The following IL10RB variants were observed in gnomAD, a reference collection of about 807,000 sequenced individuals.
IL10RB encodes the protein interleukin-10 receptor subunit beta.
A neutral mutation model predicts 38.7 loss-of-function variants in IL10RB; 30 were observed. That is an observed-to-expected ratio of 0.78 (90% CI 0.58 to 1.05). The LOEUF (loss-of-function observed/expected upper bound fraction) is 1.05, where lower values mean the gene tolerates loss of function less well. Ranked by LOEUF, IL10RB falls within the 50% of genes least tolerant of loss-of-function variation. The probability of loss-of-function intolerance (pLI) is 0.00; values close to 1 mark genes in which losing one functional copy is unlikely to be tolerated. For missense variants in IL10RB, 328 were observed against 397.1 expected (o/e 0.83, Z 1.48); for synonymous variants, 142 against 145.9 (o/e 0.97, Z 0.19).
Position 33,296,988 on chromosome 21 carries a change from A to T in IL10RB, c.*631A>T. On this transcript the variant is annotated 3_prime_UTR_variant, in exon 7 of 7. Coordinates refer to ENST00000290200, the MANE Select transcript of IL10RB (RefSeq NM_000628.5). ...AAAAAAAAAAATTGTGAGAAACAGA[A>T]ATACTTAAAATGAGGAATAAGAATG... The T allele has an allele frequency of 1.7e-5, 3 of 178,900 alleles. No individual in the cohort carries two copies. The highest frequency in any genetic ancestry group is 3.6e-5 in the Non-Finnish European group (3 of 83,910). 11.1% of individuals were successfully genotyped at this position (178,900 alleles called of 1,614,324 possible).
At chr21:33,287,762 C>T (rs1989401626) in intron 5 of IL10RB, among the ~76,000 whole-genome samples, 1 of 152,130 alleles carries the variant, frequency 6.6e-6, no homozygotes, top group African/African-American at 2.4e-5. Context: ...GCTCAGGTGT[C>T]CAGGGGAGTA....
Position 33,283,303 on chromosome 21 carries a change from AC to A in IL10RB, c.646+63del, listed in dbSNP as rs758892737. Reference sequence around the variant, plus strand: ...ACAGCTTTATAGACACCTGCCCTAGACATGATTGCATCCAACTCAAATTCCA... The same window carrying A: ...ACAGCTTTATAGACACCTGCCCTAGAATGATTGCATCCAACTCAAATTCCA... On this transcript the variant is annotated intron_variant, in intron 5 of 6. Transcript: ENST00000290200. 1,873 of 1,500,526 alleles carry A rather than the reference AC, an allele frequency of 1.2e-3. 2 individuals are homozygous for A. The highest frequency in any genetic ancestry group is 1.4e-3 in the Non-Finnish European group (1,476 of 1,078,736). The allele number at this position is 1,500,526 out of a possible 1,614,324, so 93.0% of individuals were successfully genotyped here. A position where few individuals can be genotyped will look rare whatever the true frequency, so the allele number is the denominator to read the frequency against.
At chr21:33,285,975 T>G (rs978710140) in intron 5 of IL10RB, among the ~76,000 whole-genome samples, 1 of 152,014 alleles carries the variant, frequency 6.6e-6, no homozygotes, top group Admixed American at 6.6e-5. Flanking sequence ...TGGGCTCCGG[T>G]GCATGAAACA....
chr21:33,276,406 AC>A (rs1173435466), intron 2 of IL10RB, among the ~76,000 whole-genome samples, 189 bp from the exon 3 acceptor site: 1 of 152,140 alleles, frequency 6.6e-6, no homozygotes, highest in Non-Finnish European at 1.5e-5. Flanking sequence ...TGAATACTCA[AC>A]CCCTTGGAGA....
chr21:33,304,639 G>A (rs1193068086), intron 1 of IL10RB, among the ~76,000 whole-genome samples: 4 of 152,160 alleles, frequency 2.6e-5, no homozygotes, highest in Admixed American at 6.5e-5. Flanking sequence ...ACTCTCCTGG[G>A]GATTTTGTGA....
At chr21:33,300,478 GATAC>G (rs2082983161), downstream of IL10RB, among the ~76,000 whole-genome samples, 1 of 150,732 alleles carries the variant, frequency 6.6e-6, no homozygotes, top group African/African-American at 2.4e-5. Flanking sequence ...GCCTTCTTGG[GATAC>G]ATGACAATTA....
At position 33,276,733 on chromosome 21, in the gene IL10RB, C is replaced by T. The variant is rs1989178743; in HGVS notation, c.311C>T (p.Thr104Ile). The T allele has an allele frequency of 2.5e-6, 4 of 1,613,860 alleles. No individual in the cohort carries two copies. Among genetic ancestry groups the T allele is most frequent in the Admixed American group, 1.7e-5 (1 of 59,992 alleles). Residue 104 changes from threonine (T) to isoleucine (I), a missense_variant, in exon 3 of 7, where the codon ACC (threonine) becomes ATC (isoleucine). By Grantham distance (89) the Thr-to-Ile change is moderately conservative. Transcript: ENST00000290200. ...ADEHSDWVNI[T>I]FCPVDDTIIG... ...GAGCATTCAGACTGGGTAAACATCA[C>T]CTTCTGTCCTGTGGATGACAGTAAG... is the stretch of plus-strand genomic sequence containing the variant.
At chr21:33,289,754 G>C (rs1989447981) in intron 6 of IL10RB, among the ~76,000 whole-genome samples, 1 of 152,094 alleles carries the variant, frequency 6.6e-6, no homozygotes, top group Non-Finnish European at 1.5e-5. Flanking sequence ...TGGTAGAAAT[G>C]CTCCCACTCT....
chr21:33,307,160 G>C (rs929050234), intron 1 of IL10RB, among the ~76,000 whole-genome samples: 2 of 152,094 alleles, frequency 1.3e-5, no homozygotes, highest in Non-Finnish European at 2.9e-5. Flanking sequence ...GGAGACAAAC[G>C]TGACTGCATC....
intron 6 of IL10RB, 127 bp downstream of exon 6, chr21:33,288,388 CA>C: frequency 2.8e-6 from 2 of 703,432 alleles, no homozygotes; most frequent in Non-Finnish European, 5.1e-6. Flanking sequence ...CGCGCACACA[CA>C]CACACACACA....
chr21:33,284,242 GC>G (rs1308001630), intron 5 of IL10RB, among the ~76,000 whole-genome samples: 29 of 149,346 alleles, frequency 1.9e-4, no homozygotes, highest in African/African-American at 6.7e-4. Flanking sequence ...GCTGCAGTGA[GC>G]TGAGGTCATG....
Position 33,275,146 on chromosome 21 carries a change from ACTTTT to A in IL10RB, c.174-1444_174-1440del, listed in dbSNP as rs1207948578. Reference sequence around the variant, plus strand: ...ATGAACCAACCTCTGCTAACTTCCAACTTTTCTTTTTTTTTTTTTTTTTTTTTGAG... The same window carrying A: ...ATGAACCAACCTCTGCTAACTTCCAACTTTTTTTTTTTTTTTTTTTTTGAG... On this transcript the variant is annotated intron_variant, in intron 2 of 6. Coordinates refer to ENST00000290200, the MANE Select transcript of IL10RB (RefSeq NM_000628.5). Among the ~76,000 whole-genome samples, 4 of 138,928 alleles carry A rather than the reference ACTTTT, an allele frequency of 2.9e-5. No homozygotes were observed. The South Asian group carries it at 6.7e-4, about 23-fold the overall frequency. 91.1% of individuals were successfully genotyped at this position (138,928 alleles called of 152,430 possible). A position where few individuals can be genotyped will look rare whatever the true frequency, so the allele number is the denominator to read the frequency against.
chr21:33,269,787 T>G (rs775622337), intron 2 of IL10RB, among the ~76,000 whole-genome samples: 9 of 151,614 alleles, frequency 5.9e-5, no homozygotes, highest in African/African-American at 1.9e-4. Flanking sequence ...GCCTCCCGAG[T>G]AGATGGGAGT....
At chr21:33,288,404 CAG>C (rs35508721) in intron 6 of IL10RB, 143 bp downstream of exon 6, 211,744 of 650,352 alleles carry the variant, frequency 0.33, 15,222 homozygotes, top group Non-Finnish European at 0.36. Flanking sequence ...CACACACACA[CAG>C]ACACGCCTCT....
At chr21:33,293,984 C>G (rs781771983) in intron 6 of IL10RB, 2 of 471,112 alleles carry the variant, frequency 4.2e-6, no homozygotes, top group Non-Finnish European at 8.8e-6. Context: ...TATTCACCTG[C>G]TATTTTTGCT....
At position 33,296,889 on chromosome 21, in the gene IL10RB, G is replaced by A; in HGVS notation, c.*532G>A. 4 of 210,086 alleles carry A rather than the reference G, an allele frequency of 1.9e-5. No individual in the cohort carries two copies. Among genetic ancestry groups the A allele is most frequent in the East Asian group, 1.3e-4 (1 of 7,912 alleles). 13.0% of individuals were successfully genotyped at this position (210,086 alleles called of 1,614,324 possible). A position where few individuals can be genotyped will look rare whatever the true frequency, so the allele number is the denominator to read the frequency against. On this transcript the variant is annotated 3_prime_UTR_variant, in exon 7 of 7. Coordinates refer to ENST00000290200, the MANE Select transcript of IL10RB (RefSeq NM_000628.5). ...CATGAACCCGGGAGGAGGAGGAGGA[G>A]GTTGCAGTGAGCCGAGATAGCGGCA...
chr21:33,288,363 A>T, intron 6 of IL10RB, 102 bp downstream of exon 6: 1 of 945,376 alleles, frequency 1.1e-6, no homozygotes, highest in South Asian at 1.3e-5. Flanking sequence ...TTTTCCAGGA[A>T]AACACACACG....
At chr21:33,280,001 C>G in intron 4 of IL10RB, 83 bp downstream of exon 4, 1 of 1,237,984 alleles carries the variant, frequency 8.1e-7, no homozygotes. Context: ...ACCTTATGGA[C>G]TGGTCCTCTG....
At chr21:33,270,556 A>C (rs1989058012) in intron 2 of IL10RB, among the ~76,000 whole-genome samples, 1 of 148,790 alleles carries the variant, frequency 6.7e-6, no homozygotes, top group Non-Finnish European at 1.5e-5. Flanking sequence ...AATTTTTTTT[A>C]GTAGAGACAC....
Sources: allele counts gnomAD v4.1 joint callset (sites outside exome capture counted in the v4.1 genomes callset), GRCh38; gene constraint gnomAD v4.1.1; transcripts MANE v1.5; gene names NCBI Gene and HGNC (gene_info 2026-07-23, HGNC 2026-07-21).